Variants in SLC13A4 observed in about 807,000 individuals in gnomAD.
SLC13A4 encodes the protein Na(+)/sulfate cotransporter SUT-1.
SLC13A4 carries 28 observed loss-of-function variants against 72.7 expected under a neutral mutation model. That is an observed-to-expected ratio of 0.39 (90% CI 0.29 to 0.53). The LOEUF (loss-of-function observed/expected upper bound fraction) is 0.53, where lower values mean the gene tolerates loss of function less well. Ranked by LOEUF, SLC13A4 falls within the 20% of genes least tolerant of loss-of-function variation. The pLI, the probability that SLC13A4 is intolerant of heterozygous loss-of-function variation, is 0.78. For synonymous variants in SLC13A4, 312 were observed against 325.5 expected (o/e 0.96, Z 0.45); for missense variants, 653 against 788.0 (o/e 0.83, Z 2.05).
At chr7:135,716,882 G>A (rs1796444460) in intron 2 of SLC13A4, among the ~76,000 whole-genome samples, 1 of 152,192 alleles carries the variant, frequency 6.6e-6, no homozygotes, top group Admixed American at 6.5e-5. Flanking sequence ...TAAACACTTG[G>A]AATTTGGCAG....
chr7:135,724,500 GAAAAAAA>G (rs5887740), intron 1 of SLC13A4, among the ~76,000 whole-genome samples: 6 of 94,476 alleles, frequency 6.4e-5, no homozygotes, highest in Non-Finnish European at 1.0e-4. Flanking sequence ...CTCTGTCTCA[GAAAAAAA>G]AAAAAAAAAA....
intron 1 of SLC13A4, 47 bp from the exon 2 acceptor site, chr7:135,721,570 C>T (rs375739099): frequency 1.2e-6 from 2 of 1,607,968 alleles, no homozygotes; most frequent in African/African-American, 1.3e-5. Flanking sequence ...TAGTCACTGC[C>T]ACTGAGCGTC....
intron 7 of SLC13A4, 137 bp downstream of exon 7, chr7:135,701,543 A>C: frequency 2.4e-6 from 2 of 825,132 alleles, no homozygotes; most frequent in Non-Finnish European, 4.0e-6. Context: ...CACACAGGCC[A>C]GACATGTATG....
chr7:135,700,824 A>G (rs962439076), intron 7 of SLC13A4, among the ~76,000 whole-genome samples: 3 of 152,044 alleles, frequency 2.0e-5, no homozygotes, highest in Non-Finnish European at 4.4e-5. Context: ...TTTTACTTTT[A>G]TTTTTAGTAG....
At chr7:135,713,603 A>C (rs555128703) in intron 2 of SLC13A4, among the ~76,000 whole-genome samples, 61 of 152,064 alleles carry the variant, frequency 4.0e-4, no homozygotes, top group Admixed American at 1.2e-3. Context: ...TTTGAGACAG[A>C]GTCTCACTCT....
At chr7:135,711,556 T>G (rs1180538857) in intron 2 of SLC13A4, among the ~76,000 whole-genome samples, 2 of 152,132 alleles carry the variant, frequency 1.3e-5, no homozygotes, top group African/African-American at 4.8e-5. Context: ...ATGAGGAAAC[T>G]GGGGGTTTAG....
intron 14 of SLC13A4, among the ~76,000 whole-genome samples, 157 bp from the exon 15 acceptor site, chr7:135,684,418 T>G (rs1465316596): frequency 6.6e-6 from 1 of 152,192 alleles, no homozygotes; most frequent in Non-Finnish European, 1.5e-5. Flanking sequence ...GGGCATGCAG[T>G]CCCTTGACAA....
intron 8 of SLC13A4, among the ~76,000 whole-genome samples, chr7:135,697,663 A>T (rs980866008): frequency 4.0e-5 from 6 of 151,722 alleles, no homozygotes; most frequent in Non-Finnish European, 5.9e-5. Context: ...CCCTGCTTAA[A>T]ATTCTTTAAA....
At chr7:135,716,631 CG>C (rs1212317323) in intron 2 of SLC13A4, among the ~76,000 whole-genome samples, 1 of 152,180 alleles carries the variant, frequency 6.6e-6, no homozygotes, top group Admixed American at 6.5e-5. Context: ...ATTAATTCAA[CG>C]GAGGATTTTG....
chr7:135,715,282 AGT>A (rs746910255), intron 2 of SLC13A4, among the ~76,000 whole-genome samples: 5,423 of 147,430 alleles, frequency 0.037, 110 homozygotes, highest in Middle Eastern at 0.085. Flanking sequence ...TGAGTGTATG[AGT>A]GTGTGTGAGT....
intron 2 of SLC13A4, among the ~76,000 whole-genome samples, chr7:135,712,383 G>T (rs1796323371): frequency 6.6e-6 from 1 of 150,436 alleles, no homozygotes; most frequent in Admixed American, 6.6e-5. Flanking sequence ...GGAAGAGGGA[G>T]GACTCTGGAG....
At chr7:135,690,927 G>A (rs1171110100) in intron 13 of SLC13A4, among the ~76,000 whole-genome samples, 1 of 152,218 alleles carries the variant, frequency 6.6e-6, no homozygotes, top group Non-Finnish European at 1.5e-5. Context: ...CATTTTGGGA[G>A]GCCGAGGCAG....
At position 135,700,838 on chromosome 7, in the gene SLC13A4, C is replaced by T. The variant is rs139731048; in HGVS notation, c.714+842G>A. On this transcript the variant is annotated intron_variant, in intron 7 of 15. Transcript: ENST00000682651. Reference sequence around the variant, plus strand: ...ATTTTACTTTTATTTTTAGTAGAGACGAGATCTGGCTGTGTTTCCCAGGCT... The same window carrying T: ...ATTTTACTTTTATTTTTAGTAGAGATGAGATCTGGCTGTGTTTCCCAGGCT... Among the ~76,000 whole-genome samples, 25 of 152,198 alleles carry T rather than the reference C, an allele frequency of 1.6e-4. No homozygotes were observed. The East Asian group carries it at 3.5e-3, about 21-fold the overall frequency.
chr7:135,710,921 C>A (rs1438043671), intron 2 of SLC13A4, among the ~76,000 whole-genome samples: 2 of 151,402 alleles, frequency 1.3e-5, no homozygotes, highest in Admixed American at 1.3e-4. Flanking sequence ...GCAGGGAAGG[C>A]CCCCTGCTCT....
In SLC13A4 at chr7:135,694,205, C is replaced by T; in HGVS notation, c.1053G>A (p.Lys351=). ...FKETCSLSKK[K]KTKREQLSEK... is the part of the protein sequence containing the mutation. Reference sequence around the variant, plus strand: ...CTGACAACTGTTCCCTTTTGGTCTTCTTCTTCTTGCTCAGAGAGCAGGTCT... The same window carrying T: ...CTGACAACTGTTCCCTTTTGGTCTTTTTCTTCTTGCTCAGAGAGCAGGTCT... The change falls in exon 10 of 16, where the codon AAG becomes AAA. Residue 351 remains lysine (K), a synonymous_variant. Coordinates refer to ENST00000682651, the MANE Select transcript of SLC13A4 (RefSeq NM_001318192.2). 1.2e-6 allele frequency: 2 copies of T among 1,612,938 alleles called. No individual in the cohort carries two copies. Among genetic ancestry groups the T allele is most frequent in the Non-Finnish European group, 1.7e-6 (2 of 1,179,016 alleles).
intron 2 of SLC13A4, among the ~76,000 whole-genome samples, chr7:135,713,536 A>G (rs1796350622): frequency 6.6e-6 from 1 of 152,098 alleles, no homozygotes; most frequent in Admixed American, 6.5e-5. Flanking sequence ...TACACATAAG[A>G]TAATGCAGGT....
At chr7:135,689,196 A>G (rs961456465) in intron 13 of SLC13A4, among the ~76,000 whole-genome samples, 1 of 152,208 alleles carries the variant, frequency 6.6e-6, no homozygotes, top group South Asian at 2.1e-4. Flanking sequence ...TTTTGGTTAA[A>G]AAAAAAAATA....
rs1272902604 is a variant in SLC13A4, at chr7:135,683,588, A to G, written c.1746+536T>C. ...GTCAGCAGCAAAATATCTCAAAGCCATCTTTTGTGAGCCCAGCTGAAAATG... is the reference window on the plus strand; with the variant it reads ...GTCAGCAGCAAAATATCTCAAAGCCGTCTTTTGTGAGCCCAGCTGAAAATG... On this transcript the variant is annotated intron_variant, in intron 15 of 15. Transcript: ENST00000682651. 13 of 985,242 alleles carry G rather than the reference A, an allele frequency of 1.3e-5. No homozygotes were observed. In the African/African-American group the frequency reaches 1.4e-4, roughly 11 times the overall value. The allele number at this position is 985,242 out of a possible 1,614,324, so 61.0% of individuals were successfully genotyped here.
At chr7:135,705,331 C>A in intron 5 of SLC13A4, 1 of 423,790 alleles carries the variant, frequency 2.4e-6, no homozygotes, top group Non-Finnish European at 4.3e-6. Flanking sequence ...GTTCATATAT[C>A]CACTGAGATT....
Sources: allele counts gnomAD v4.1 joint callset (sites outside exome capture counted in the v4.1 genomes callset), GRCh38; gene constraint gnomAD v4.1.1; transcripts MANE v1.5; gene names NCBI Gene and HGNC (gene_info 2026-07-23, HGNC 2026-07-21).